The following MAGI2 variants were observed in gnomAD, a reference collection of about 807,000 sequenced individuals.
MAGI2 encodes the protein membrane associated guanylate kinase, WW and PDZ domain containing 2.
MAGI2 carries 35 observed loss-of-function variants against 133.3 expected under a neutral mutation model. The observed-to-expected ratio is 0.26, with a 90% confidence interval of 0.20 to 0.35. The LOEUF (loss-of-function observed/expected upper bound fraction) is 0.35. Among genes scored for constraint, MAGI2 ranks in the 10% least tolerant of loss-of-function variants. MAGI2 has a pLI of 1.00. For synonymous variants in MAGI2, 729 were observed against 710.6 expected (o/e 1.03, Z -0.41); for missense variants, 1,636 against 1,863.4 (o/e 0.88, Z 2.25).
At chr7:78,512,246 T>G (rs1422452702) in intron 4 of MAGI2, among the ~76,000 whole-genome samples, 4 of 152,164 alleles carry the variant, frequency 2.6e-5, no homozygotes, top group Non-Finnish European at 5.9e-5. Context: ...CCCTTTATTA[T>G]TTGAGGCCAG....
chr7:78,841,440 C>A (rs992142581), intron 2 of MAGI2, among the ~76,000 whole-genome samples: 3 of 151,986 alleles, frequency 2.0e-5, no homozygotes, highest in Non-Finnish European at 4.4e-5. Flanking sequence ...TTCTTTACAT[C>A]TTGCCTCTAT....
intron 3 of MAGI2, among the ~76,000 whole-genome samples, chr7:78,536,929 ACC>A: frequency 6.6e-6 from 1 of 151,786 alleles, no homozygotes; most frequent in Non-Finnish European, 1.5e-5. Flanking sequence ...TGTACTCTGT[ACC>A]CAATGTGTAG....
intron 1 of MAGI2, among the ~76,000 whole-genome samples, chr7:79,011,917 C>CTTCA (rs1808164966): frequency 7.4e-6 from 1 of 134,422 alleles, no homozygotes; most frequent in South Asian, 2.4e-4. Context: ...TCCTTCCTTC[C>CTTCA]TTCCTTCCTT....
chr7:79,020,610 C>CA (rs1316514269), intron 1 of MAGI2, among the ~76,000 whole-genome samples: 3 of 151,762 alleles, frequency 2.0e-5, no homozygotes, highest in Non-Finnish European at 4.4e-5. Context: ...TCTAAAAATA[C>CA]AAAAAATTAG....
chr7:78,270,793 A>G (rs976645381), intron 9 of MAGI2, among the ~76,000 whole-genome samples: 12 of 152,094 alleles, frequency 7.9e-5, no homozygotes, highest in South Asian at 2.1e-4. Context: ...AGCAGACCTA[A>G]TAGACATCTA....
chr7:78,367,039 C>T (rs988299654), intron 7 of MAGI2, among the ~76,000 whole-genome samples: 2 of 151,452 alleles, frequency 1.3e-5, no homozygotes, highest in Non-Finnish European at 2.9e-5. Flanking sequence ...AATACTCTGA[C>T]AATGGCTGTG....
intron 1 of MAGI2, among the ~76,000 whole-genome samples, chr7:79,357,790 T>G (rs1842121781): frequency 6.6e-6 from 1 of 152,186 alleles, no homozygotes; most frequent in Admixed American, 6.5e-5. Context: ...TTAGAAATGT[T>G]GCATATGCCA....
chr7:78,459,150 C>T (rs994499914), intron 6 of MAGI2, among the ~76,000 whole-genome samples: 1 of 152,088 alleles, frequency 6.6e-6, no homozygotes, highest in Non-Finnish European at 1.5e-5. Flanking sequence ...TCTGTCAATC[C>T]ATGTTTAACA....
At chr7:78,863,971 C>T (rs1185837738) in intron 2 of MAGI2, among the ~76,000 whole-genome samples, 1 of 152,064 alleles carries the variant, frequency 6.6e-6, no homozygotes, top group East Asian at 1.9e-4. Flanking sequence ...GGGGACCAGG[C>T]ATGGAGGGAA....
intron 1 of MAGI2, among the ~76,000 whole-genome samples, chr7:79,237,459 A>G (rs1322622334): frequency 6.6e-6 from 1 of 152,188 alleles, no homozygotes; most frequent in Admixed American, 6.5e-5. Flanking sequence ...CGCCACTGAA[A>G]AAGTTTTATA....
intron 2 of MAGI2, among the ~76,000 whole-genome samples, chr7:78,679,218 T>C (rs1815383844): frequency 6.6e-6 from 1 of 152,036 alleles, no homozygotes; most frequent in South Asian, 2.1e-4. Context: ...TCTGAGAGAG[T>C]GAGGCATCCC....
chr7:78,604,516 A>G (rs548933110), intron 3 of MAGI2, among the ~76,000 whole-genome samples: 23 of 152,326 alleles, frequency 1.5e-4, no homozygotes, highest in African/African-American at 5.1e-4. Context: ...AAATTCATTC[A>G]CTAAGCAAAT....
intron 2 of MAGI2, among the ~76,000 whole-genome samples, chr7:78,877,050 C>T (rs1289372304): frequency 6.6e-6 from 1 of 152,152 alleles, no homozygotes; most frequent in African/African-American, 2.4e-5. Context: ...CTGTTTTGAG[C>T]TCCTCCTTAC....
intron 9 of MAGI2, among the ~76,000 whole-genome samples, chr7:78,314,053 A>T (rs1787153076): frequency 6.6e-6 from 1 of 152,108 alleles, no homozygotes; most frequent in African/African-American, 2.4e-5. Context: ...AATCAAACAT[A>T]ACGTTTCTGT....
chr7:78,356,722 C>T (rs995816966), intron 7 of MAGI2, among the ~76,000 whole-genome samples: 2 of 152,158 alleles, frequency 1.3e-5, no homozygotes, highest in African/African-American at 4.8e-5. Context: ...ATAAAAGTCA[C>T]CTGAAAGGGG....
At chr7:79,170,430 C>T (rs995575921) in intron 1 of MAGI2, among the ~76,000 whole-genome samples, 19 of 151,904 alleles carry the variant, frequency 1.3e-4, no homozygotes, top group Non-Finnish European at 2.4e-4. Context: ...CCTGCCTCCA[C>T]CTCCCAAAGT....
rs552263213 is a variant in MAGI2, at chr7:79,420,687, T to A, written c.301+32333A>T. Among the ~76,000 whole-genome samples, 9 of 152,108 alleles carry A rather than the reference T, an allele frequency of 5.9e-5. No homozygotes were observed. In the South Asian group the frequency reaches 1.9e-3, roughly 32 times the overall value. Reference sequence around the variant, plus strand: ...AACGGAGCTGACACTTTATTTTGCATCTACGCCACCAAGATTACATCATCA... The same window carrying A: ...AACGGAGCTGACACTTTATTTTGCAACTACGCCACCAAGATTACATCATCA... On this transcript the variant is annotated intron_variant, in intron 1 of 21. Coordinates refer to ENST00000354212, the MANE Select transcript of MAGI2 (RefSeq NM_012301.4).
chr7:79,260,537 A>C (rs547986173), intron 1 of MAGI2, among the ~76,000 whole-genome samples: 2 of 152,214 alleles, frequency 1.3e-5, no homozygotes, highest in Non-Finnish European at 2.9e-5. Context: ...CATTAATTCA[A>C]CAAATACAGG....
intron 2 of MAGI2, among the ~76,000 whole-genome samples, chr7:78,922,075 G>A (rs1584398974): frequency 6.6e-6 from 1 of 151,776 alleles, no homozygotes; most frequent in Non-Finnish European, 1.5e-5. Flanking sequence ...CAACAGACAT[G>A]CTTTATCAGT....
Sources: allele counts gnomAD v4.1 joint callset (sites outside exome capture counted in the v4.1 genomes callset), GRCh38; gene constraint gnomAD v4.1.1; transcripts MANE v1.5; gene names NCBI Gene and HGNC (gene_info 2026-07-23, HGNC 2026-07-21).